Variants in CCSER1 observed in about 807,000 individuals in gnomAD.
CCSER1 encodes the protein coiled-coil serine rich protein 1.
CCSER1 carries 41 observed loss-of-function variants against 82.0 expected under a neutral mutation model. The observed-to-expected ratio is 0.50, with a 90% CI of 0.39 to 0.65. The LOEUF (loss-of-function observed/expected upper bound fraction) is 0.65. Ranked by LOEUF, CCSER1 falls within the 30% of genes least tolerant of loss-of-function variation. The probability of loss-of-function intolerance (pLI) is 0.00; values close to 1 mark genes in which losing one functional copy is unlikely to be tolerated. For missense variants in CCSER1, 1,119 were observed against 1,064.2 expected (o/e 1.05, Z -0.72); for synonymous variants, 414 against 383.9 (o/e 1.08, Z -0.92).
At chr4:90,370,397 T>C (rs931753703) in intron 3 of CCSER1, 4 of 152,088 alleles carry the variant, frequency 2.6e-5, no homozygotes, top group Non-Finnish European at 5.9e-5. Flanking sequence ...TCTAGAAAAT[T>C]AAGTATAAAT....
intron 10 of CCSER1, among the ~76,000 whole-genome samples, chr4:91,585,619 GA>G (rs1763951145): frequency 6.6e-6 from 1 of 151,518 alleles, no homozygotes; most frequent in Non-Finnish European, 1.5e-5. Flanking sequence ...TCTGGGTTGT[GA>G]AAAGGCTTAA....
chr4:90,361,563 T>C (rs1197584557), intron 3 of CCSER1, among the ~76,000 whole-genome samples: 2 of 152,158 alleles, frequency 1.3e-5, no homozygotes, highest in Admixed American at 6.5e-5. Flanking sequence ...GCATATATTA[T>C]GTGACACTGA....
At chr4:90,613,492 A>T (rs1273557912) in intron 5 of CCSER1, among the ~76,000 whole-genome samples, 2 of 152,186 alleles carry the variant, frequency 1.3e-5, no homozygotes, top group Non-Finnish European at 2.9e-5. Context: ...CCATAGTATA[A>T]ATCAGCTACT....
chr4:90,656,075 A>G (rs982881665), intron 6 of CCSER1, among the ~76,000 whole-genome samples: 1 of 151,918 alleles, frequency 6.6e-6, no homozygotes, highest in Non-Finnish European at 1.5e-5. Flanking sequence ...TTCATCTTTC[A>G]GAGAAAGAAA....
chr4:91,398,386 A>G (rs1385490579), intron 10 of CCSER1, among the ~76,000 whole-genome samples: 2 of 151,966 alleles, frequency 1.3e-5, no homozygotes, highest in Non-Finnish European at 2.9e-5. Flanking sequence ...TTTATGACAG[A>G]TTTTTTGCTT....
chr4:91,569,119 T>A (rs1182708882), intron 10 of CCSER1, among the ~76,000 whole-genome samples: 3 of 152,176 alleles, frequency 2.0e-5, no homozygotes, highest in Non-Finnish European at 4.4e-5. Context: ...TAGTGAGGTA[T>A]TTTTGGTGTT....
chr4:91,245,299 A>C (rs928578759), intron 10 of CCSER1, among the ~76,000 whole-genome samples: 2 of 152,194 alleles, frequency 1.3e-5, no homozygotes, highest in African/African-American at 4.8e-5. Context: ...AGAAGATTAT[A>C]AAACACAAAG....
chr4:90,691,543 G>A (rs1380410316), intron 6 of CCSER1, among the ~76,000 whole-genome samples: 1 of 138,188 alleles, frequency 7.2e-6, no homozygotes. Context: ...TATAATACAT[G>A]TGTACATATC....
intron 4 of CCSER1, among the ~76,000 whole-genome samples, chr4:90,405,275 A>G (rs536952143): frequency 2.6e-5 from 4 of 152,216 alleles, no homozygotes; most frequent in African/African-American, 9.6e-5. Context: ...GAGCTCAAAG[A>G]CAAGGCTTTC....
intron 10 of CCSER1, among the ~76,000 whole-genome samples, chr4:91,581,925 A>T (rs1343073133): frequency 6.6e-6 from 1 of 151,548 alleles, no homozygotes; most frequent in Non-Finnish European, 1.5e-5. Context: ...CCACTGATTT[A>T]CCGTATTAAT....
intron 6 of CCSER1, among the ~76,000 whole-genome samples, chr4:90,638,453 A>T (rs915695805): frequency 6.6e-6 from 1 of 152,132 alleles, no homozygotes; most frequent in African/African-American, 2.4e-5. Flanking sequence ...CTAACTTAGT[A>T]TTGTCAGTTC....
chr4:91,207,386 C>T (rs925209689), intron 10 of CCSER1, among the ~76,000 whole-genome samples: 1 of 151,666 alleles, frequency 6.6e-6, no homozygotes, highest in Non-Finnish European at 1.5e-5. Flanking sequence ...CTCCTAACTT[C>T]CTCTCTGAAG....
chr4:90,740,927 T>C (rs990203307), intron 7 of CCSER1, among the ~76,000 whole-genome samples: 29 of 152,164 alleles, frequency 1.9e-4, no homozygotes, highest in African/African-American at 6.8e-4. Context: ...TCTATTAAAA[T>C]ATTATCTTGG....
At chr4:90,510,241 C>T (rs796560180) in intron 5 of CCSER1, among the ~76,000 whole-genome samples, 42 of 152,146 alleles carry the variant, frequency 2.8e-4, no homozygotes, top group African/African-American at 9.6e-4. Flanking sequence ...GTATTTATTG[C>T]TTTTTAACCT....
intron 8 of CCSER1, among the ~76,000 whole-genome samples, chr4:90,846,427 AATG>A (rs1185524797): frequency 2.0e-5 from 3 of 152,242 alleles, no homozygotes; most frequent in Non-Finnish European, 4.4e-5. Context: ...TGCCCATCAT[AATG>A]ATTAAATTTT....
intron 9 of CCSER1, among the ~76,000 whole-genome samples, chr4:90,981,279 C>A (rs1561442710): frequency 6.6e-6 from 1 of 151,784 alleles, no homozygotes; most frequent in African/African-American, 2.4e-5. Flanking sequence ...CAGCTCCTAA[C>A]TAAACTATTT....
chr4:91,462,447 G>A (rs1756562934), intron 10 of CCSER1, among the ~76,000 whole-genome samples: 2 of 152,100 alleles, frequency 1.3e-5, no homozygotes, highest in Admixed American at 1.3e-4. Flanking sequence ...CAGAAGATGG[G>A]TGATTTCTGC....
At chr4:91,460,906 AT>A (rs1756465246) in intron 10 of CCSER1, among the ~76,000 whole-genome samples, 1 of 152,166 alleles carries the variant, frequency 6.6e-6, no homozygotes, top group African/African-American at 2.4e-5. Flanking sequence ...AGGAAAATTT[AT>A]TCTTACTCTA....
chr4:90,432,218 C>A, intron 4 of CCSER1, among the ~76,000 whole-genome samples: 1 of 152,214 alleles, frequency 6.6e-6, no homozygotes, highest in Non-Finnish European at 1.5e-5. Context: ...TAGTAATCTT[C>A]TTATTTCATA....
Sources: gnomAD v4.1 joint callset for allele counts (sites outside exome capture counted in the v4.1 genomes callset) on GRCh38, gnomAD v4.1.1 for gene constraint, MANE v1.5 for transcripts, NCBI Gene and HGNC (gene_info 2026-07-23, HGNC 2026-07-21) for gene names.